Variants in DENND5A observed in about 807,000 individuals in gnomAD.
The protein encoded by DENND5A is DENN domain containing 5A.
A neutral mutation model predicts 140.3 loss-of-function variants in DENND5A; 64 were observed. The ratio of observed to expected loss-of-function variants is 0.46; its 90% confidence interval spans 0.37 to 0.56. The LOEUF is 0.56. Ranked by LOEUF, DENND5A falls within the 20% of genes least tolerant of loss-of-function variation. The probability of loss-of-function intolerance (pLI) is 0.00; values close to 1 mark genes in which losing one functional copy is unlikely to be tolerated. For missense variants in DENND5A, 1,292 were observed against 1,593.8 expected, an observed-to-expected ratio of 0.81 and a Z score of 3.22; for synonymous variants, 605 against 607.7, an observed-to-expected ratio of 1.00 and a Z score of 0.07.
Position 9,138,878 on chromosome 11 carries a change from T to C in DENND5A, c.*793A>G, listed in dbSNP as rs191215331. Reference sequence around the variant, plus strand: ...GCCATACTGTAGCTGGTTTCTAAGTTGCAAAACATAAATTTAATAATAATA... The same window carrying C: ...GCCATACTGTAGCTGGTTTCTAAGTCGCAAAACATAAATTTAATAATAATA... On this transcript the variant is annotated 3_prime_UTR_variant, in exon 23 of 23. Transcript: ENST00000328194. 1 of 152,308 alleles carries C rather than the reference T, an allele frequency of 6.6e-6. No individual in the cohort carries two copies. The highest frequency in any genetic ancestry group is 1.5e-5 in the Non-Finnish European group (1 of 68,032). The allele number at this position is 152,308 out of a possible 1,614,324, so 9.4% of individuals were successfully genotyped here. A position where few individuals can be genotyped will look rare whatever the true frequency, so the allele number is the denominator to read the frequency against.
chr11:9,185,913 T>C (rs758828685), intron 5 of DENND5A, among the ~76,000 whole-genome samples: 2 of 152,100 alleles, frequency 1.3e-5, no homozygotes, highest in Admixed American at 1.3e-4. Flanking sequence ...TGTGTGTCTA[T>C]TGTATTTCTG....
chr11:9,217,820 A>G (rs530512632), intron 1 of DENND5A, among the ~76,000 whole-genome samples: 2 of 152,366 alleles, frequency 1.3e-5, no homozygotes, highest in African/African-American at 4.8e-5. Flanking sequence ...AGTAAAATAC[A>G]GTCTCCTACT....
intron 12 of DENND5A, among the ~76,000 whole-genome samples, chr11:9,160,436 G>A (rs1847940915): frequency 1.3e-5 from 2 of 152,220 alleles, no homozygotes; most frequent in Non-Finnish European, 2.9e-5. Context: ...ACTAGGGCCA[G>A]CTGCCAAACA....
chr11:9,143,456 T>C lies in DENND5A; in HGVS notation c.3334A>G (p.Ile1112Val), dbSNP rs2136112019. ...ACAATGCCATTGACTGCCTCCCCGATGGACTCCTGGATCTGCCCAGTGTTC... is the reference window on the plus strand; with the variant it reads ...ACAATGCCATTGACTGCCTCCCCGACGGACTCCTGGATCTGCCCAGTGTTC... Reference protein sequence around the residue: ...KLNTGQIQESIGEAVNGIVKH... With the variant: ...KLNTGQIQESVGEAVNGIVKH... Residue 1112 changes from isoleucine to valine, a missense_variant, in exon 20 of 23, where the codon ATC (isoleucine) becomes GTC (valine). Ile to Val is a conservative substitution (Grantham distance 29, BLOSUM62 3). Around this residue, in one of 4 missense-constraint regions of DENND5A, gnomAD observed 498 missense variants for 689.7 expected, o/e 0.72. Coordinates refer to ENST00000328194, the MANE Select transcript of DENND5A (RefSeq NM_015213.4). 1.9e-6 allele frequency: 3 copies of C among 1,614,216 alleles called. No individual in the cohort carries two copies. Among genetic ancestry groups the C allele is most frequent in the Non-Finnish European group, 8.5e-7 (1 of 1,180,008 alleles).
Position 9,181,062 on chromosome 11 carries a change from A to G in DENND5A, c.1160T>C (p.Ile387Thr), listed in dbSNP as rs1848713922. 4 of 1,613,966 alleles carry G rather than the reference A, an allele frequency of 2.5e-6. No individual in the cohort carries two copies. Among genetic ancestry groups the G allele is most frequent in the Non-Finnish European group, 2.5e-6 (3 of 1,179,958 alleles). Reference sequence around the variant, plus strand: ...TGGCAACTCAATGAAGTGGTTGTCAATGTCCACAAAGCAGAGGTTAGCCTG... The same window carrying G: ...TGGCAACTCAATGAAGTGGTTGTCAGTGTCCACAAAGCAGAGGTTAGCCTG... ...PQEANLCFVD[I>T]DNHFIELPED... The change falls in exon 6 of 23, where the codon ATT becomes ACT. Residue 387 changes from isoleucine (I) to threonine (T), a missense_variant. Ile to Thr is a moderately conservative substitution (Grantham distance 89, BLOSUM62 -1). Transcript: ENST00000328194.
rs527278955 is a variant in DENND5A, at chr11:9,150,961, T to C, written c.2522-197A>G. 5.3e-5 allele frequency among the ~76,000 whole-genome samples: 8 copies of C among 152,372 alleles called. No homozygotes were observed. The South Asian group carries it at 1.7e-3, about 32-fold the overall frequency. On this transcript the variant is annotated intron_variant, in intron 13 of 22. Transcript: ENST00000328194. ...ACATTTTTATGGATATTATCTCATT[T>C]AATTCTCTAACAATTTATAAGGTAG...
intron 1 of DENND5A, among the ~76,000 whole-genome samples, chr11:9,224,890 A>C (rs1850469318): frequency 6.6e-6 from 1 of 151,394 alleles, no homozygotes; most frequent in Non-Finnish European, 1.5e-5. Context: ...ACAGTATCCC[A>C]ACGTTTTCAT....
intron 1 of DENND5A, among the ~76,000 whole-genome samples, chr11:9,235,048 T>C (rs1243494088): frequency 1.3e-5 from 2 of 152,138 alleles, no homozygotes; most frequent in Non-Finnish European, 2.9e-5. Context: ...GAATGTAAAA[T>C]GATGCACTGC....
chr11:9,214,808 G>A (rs139218768), intron 1 of DENND5A, among the ~76,000 whole-genome samples: 12 of 152,222 alleles, frequency 7.9e-5, no homozygotes, highest in Admixed American at 7.8e-4. Context: ...ACTGCAACCT[G>A]TGCCTCCCAG....
At chr11:9,170,250 G>C (rs1265363251) in intron 9 of DENND5A, 10 of 982,436 alleles carry the variant, frequency 1.0e-5, no homozygotes, top group Non-Finnish European at 1.2e-5. Context: ...ATCTTCAAAA[G>C]TAACTAATGA....
At chr11:9,205,502 T>A (rs1849664097) in intron 3 of DENND5A, among the ~76,000 whole-genome samples, 1 of 152,200 alleles carries the variant, frequency 6.6e-6, no homozygotes, top group Non-Finnish European at 1.5e-5. Context: ...AGTTTCTTCA[T>A]CTGTGAAATA....
At chr11:9,197,085 G>C (rs929811195) in intron 4 of DENND5A, among the ~76,000 whole-genome samples, 2 of 151,254 alleles carry the variant, frequency 1.3e-5, no homozygotes, top group African/African-American at 4.8e-5. Context: ...TAGGCGGATC[G>C]CTTGAAGTCA....
intron 12 of DENND5A, among the ~76,000 whole-genome samples, chr11:9,160,192 A>C (rs1847931843): frequency 6.6e-6 from 1 of 152,260 alleles, no homozygotes; most frequent in South Asian, 2.1e-4. Flanking sequence ...CTTGACTACC[A>C]ATTGAAAACA....
At chr11:9,220,794 G>A (rs932973527) in intron 1 of DENND5A, among the ~76,000 whole-genome samples, 2 of 152,092 alleles carry the variant, frequency 1.3e-5, no homozygotes, top group Non-Finnish European at 2.9e-5. Context: ...TGGGGAGGCT[G>A]AGGTACGAGA....
At chr11:9,183,081 T>C (rs923752851) in intron 5 of DENND5A, among the ~76,000 whole-genome samples, 43 of 152,338 alleles carry the variant, frequency 2.8e-4, no homozygotes, top group African/African-American at 9.6e-4. Context: ...TACATATATA[T>C]TTAAATACTT....
At chr11:9,218,579 C>T (rs1169944947) in intron 1 of DENND5A, among the ~76,000 whole-genome samples, 1 of 152,006 alleles carries the variant, frequency 6.6e-6, no homozygotes. Flanking sequence ...CAAAAATTAG[C>T]TGGGTGTGGT....
chr11:9,240,673 G>A (rs570244318), intron 1 of DENND5A, among the ~76,000 whole-genome samples: 16 of 151,420 alleles, frequency 1.1e-4, no homozygotes, highest in Admixed American at 9.9e-4. Context: ...TGGTGCCACC[G>A]TACTCCAGCC....
Position 9,145,024 on chromosome 11 carries a change from G to C in DENND5A, c.3093C>G (p.Val1031=), listed in dbSNP as rs758645250. ...YAKWLVEYVM[V]RNEITGHTYK... ...AGGTATGTCCTGTGATCTCATTCCT[G>C]ACCATCACATACTCCACCAGCCATT... The change falls in exon 18 of 23, where the codon GTC becomes GTG. Residue 1031 remains valine, a synonymous_variant. Coordinates refer to ENST00000328194, the MANE Select transcript of DENND5A (RefSeq NM_015213.4). 4 of 1,613,456 alleles carry C rather than the reference G, an allele frequency of 2.5e-6. No homozygotes were observed. The Admixed American group carries it at 6.7e-5, about 27-fold the overall frequency.
rs1307809706 is a variant in DENND5A at position 9,180,808 on chromosome 11, G to A, written c.1414C>T (p.Leu472=). 4 of 1,614,056 alleles carry A rather than the reference G, an allele frequency of 2.5e-6. No individual in the cohort carries two copies. Among genetic ancestry groups the A allele is most frequent in the Non-Finnish European group, 3.4e-6 (4 of 1,180,038 alleles). ...LLKENETIAR[L]QALVKRTGVS... Reference sequence around the variant, plus strand: ...CCAGTTCTCTTGACCAAGGCTTGCAGCCGGGCAATAGTTTCATTCTCCTTA... The same window carrying A: ...CCAGTTCTCTTGACCAAGGCTTGCAACCGGGCAATAGTTTCATTCTCCTTA... The change falls in exon 6 of 23, where the codon CTG becomes TTG. Residue 472 remains leucine (L), a synonymous_variant. Coordinates refer to ENST00000328194, the MANE Select transcript of DENND5A (RefSeq NM_015213.4).
Sources: allele counts gnomAD v4.1 joint callset (sites outside exome capture counted in the v4.1 genomes callset), GRCh38; gene constraint gnomAD v4.1.1; regional missense constraint gnomAD v4.1.1; transcripts MANE v1.5; gene names NCBI Gene and HGNC (gene_info 2026-07-23, HGNC 2026-07-21).